XKR9: variants seen among roughly 807,000 people sequenced by gnomAD.
XKR9 encodes XK-related protein 9.
A neutral mutation model predicts 32.0 loss-of-function variants in XKR9; 32 were observed. That is an observed-to-expected ratio of 1.00 (90% confidence interval 0.76 to 1.34). The LOEUF (loss-of-function observed/expected upper bound fraction) is 1.34. XKR9 is among the 40% of genes most tolerant of loss of function. XKR9 has a pLI of 0.00. For missense variants in XKR9, 546 were observed against 429.7 expected (o/e 1.27, Z -2.39); for synonymous variants, 168 against 143.4 (o/e 1.17, Z -1.22).
the XKR9 span, among the ~76,000 whole-genome samples, chr8:71,049,240 CTTGAT>C: frequency 6.6e-6 from 1 of 152,124 alleles, no homozygotes; most frequent in East Asian, 1.9e-4. Context: ...TAACATTGTA[CTTGAT>C]TTGATGAGAA....
chr8:70,816,124 A>G, the XKR9 span, among the ~76,000 whole-genome samples: 20 of 152,226 alleles, frequency 1.3e-4, no homozygotes, highest in Non-Finnish European at 2.2e-4. Flanking sequence ...GTATCTAAAA[A>G]AACAAGCAAA....
the XKR9 span, among the ~76,000 whole-genome samples, chr8:70,968,782 C>CT: frequency 2.0e-5 from 3 of 152,216 alleles, no homozygotes; most frequent in African/African-American, 7.2e-5. Context: ...GCAGTGAAGC[C>CT]TGTGAAACAA....
At chr8:70,714,178 A>G (rs1314330393) in intron 4 of XKR9, among the ~76,000 whole-genome samples, 1 of 152,104 alleles carries the variant, frequency 6.6e-6, no homozygotes, top group African/African-American at 2.4e-5. Flanking sequence ...CCTCACCATT[A>G]TAAACTTATT....
downstream of XKR9, among the ~76,000 whole-genome samples, chr8:70,740,686 A>G (rs1806956701): frequency 6.6e-6 from 1 of 152,156 alleles, no homozygotes; most frequent in South Asian, 2.1e-4. Context: ...CTTCTGACAG[A>G]CAGGACCCTC....
chr8:70,685,800 G>C (rs1168717013), intron 3 of XKR9, among the ~76,000 whole-genome samples: 134 of 131,814 alleles, frequency 1.0e-3, no homozygotes, highest in East Asian at 8.2e-3. Context: ...TGAGTTAATG[G>C]GTGCAGCACA....
intron 4 of XKR9, among the ~76,000 whole-genome samples, chr8:70,728,555 A>G (rs1425407324): frequency 6.6e-6 from 1 of 152,228 alleles, no homozygotes; most frequent in Non-Finnish European, 1.5e-5. Flanking sequence ...TTTTAAAAGT[A>G]AAAATCTGAG....
the XKR9 span, among the ~76,000 whole-genome samples, chr8:71,010,067 C>T: frequency 0.089 from 13,597 of 152,138 alleles, 792 homozygotes; most frequent in Non-Finnish European, 0.14. Flanking sequence ...GTAGCCTTAG[C>T]AAGTTATTTA....
intron 3 of XKR9, among the ~76,000 whole-genome samples, chr8:70,685,598 A>G (rs979509307): frequency 4.0e-5 from 6 of 151,310 alleles, no homozygotes; most frequent in African/African-American, 1.2e-4. Context: ...CATGGATGAA[A>G]TTGGAAATCA....
At chr8:70,933,216 A>G in the XKR9 span, among the ~76,000 whole-genome samples, 2 of 152,158 alleles carry the variant, frequency 1.3e-5, 1 homozygote, top group Non-Finnish European at 2.9e-5. Context: ...ATAGGGCTAC[A>G]GATGCTTTTA....
the XKR9 span, among the ~76,000 whole-genome samples, chr8:71,049,787 T>C: frequency 4.5e-4 from 68 of 151,924 alleles, no homozygotes; most frequent in Admixed American, 9.8e-4. Flanking sequence ...ATAAGTTACA[T>C]AAAGAGAGAA....
downstream of XKR9, among the ~76,000 whole-genome samples, chr8:70,736,388 T>C (rs1289140097): frequency 6.6e-6 from 1 of 152,152 alleles, no homozygotes; most frequent in Admixed American, 6.5e-5. Context: ...GATGAGTAGG[T>C]TGCGAACATT....
At chr8:70,905,979 T>A in the XKR9 span, among the ~76,000 whole-genome samples, 9 of 152,238 alleles carry the variant, frequency 5.9e-5, no homozygotes, top group South Asian at 2.1e-4. Context: ...TGGCTGATCC[T>A]TCTTCTGGAA....
chr8:70,789,335 A>G (rs1807733019), intron 2 of XKR9: 1 of 152,122 alleles, frequency 6.6e-6, no homozygotes, highest in Non-Finnish European at 1.5e-5. Context: ...CTTCATACAT[A>G]TAGGAAGCTT....
chr8:70,731,200 CT>C (rs1485345309), intron 4 of XKR9, among the ~76,000 whole-genome samples: 1 of 152,096 alleles, frequency 6.6e-6, no homozygotes, highest in African/African-American at 2.4e-5. Context: ...TTCACAAATC[CT>C]TTTTTCTATC....
At chr8:70,757,541 C>A (rs1807244360) in intron 2 of XKR9, among the ~76,000 whole-genome samples, 1 of 145,650 alleles carries the variant, frequency 6.9e-6, no homozygotes, top group Non-Finnish European at 1.5e-5. Context: ...TTCTTTACTT[C>A]TTTCATCATG....
chr8:70,932,913 C>T, the XKR9 span, among the ~76,000 whole-genome samples: 1 of 152,134 alleles, frequency 6.6e-6, no homozygotes, highest in Non-Finnish European at 1.5e-5. Flanking sequence ...TTCATAACAA[C>T]TTTTAAGGCT....
the XKR9 span, among the ~76,000 whole-genome samples, chr8:70,905,474 T>A: frequency 6.6e-6 from 1 of 152,186 alleles, no homozygotes; most frequent in African/African-American, 2.4e-5. Flanking sequence ...CTCCATCAGG[T>A]CATTTAAGGT....
the XKR9 span, among the ~76,000 whole-genome samples, chr8:70,927,848 T>G: frequency 6.6e-6 from 1 of 152,328 alleles, no homozygotes; most frequent in African/African-American, 2.4e-5. Context: ...ATGATGTTTG[T>G]GTTTCCTGGC....
the XKR9 span, among the ~76,000 whole-genome samples, chr8:70,944,899 T>A: frequency 6.6e-6 from 1 of 152,178 alleles, no homozygotes; most frequent in Admixed American, 6.5e-5. Context: ...TGTCTTGTAG[T>A]GAAAGAGGTT....
Sources: gnomAD v4.1 joint callset for allele counts (sites outside exome capture counted in the v4.1 genomes callset) on GRCh38, gnomAD v4.1.1 for gene constraint, MANE v1.5 for transcripts, NCBI Gene and HGNC (gene_info 2026-07-23, HGNC 2026-07-21) for gene names.